LRRC4C: variants seen among roughly 807,000 people sequenced by gnomAD.
The protein encoded by LRRC4C is leucine-rich repeat-containing protein 4C.
A neutral mutation model predicts 33.6 loss-of-function variants in LRRC4C; 5 were observed. The observed-to-expected ratio is 0.15, with a 90% confidence interval of 0.08 to 0.31. The LOEUF is 0.31. LRRC4C is among the 10% of genes least tolerant of loss of function. LRRC4C has a pLI of 1.00. For missense variants in LRRC4C, 560 were observed against 796.7 expected (o/e 0.70, Z 3.58); for synonymous variants, 329 against 302.0 (o/e 1.09, Z -0.93).
chr11:40,311,862 T>C (rs1225209419), intron 4 of LRRC4C, among the ~76,000 whole-genome samples: 1 of 151,158 alleles, frequency 6.6e-6, no homozygotes, highest in South Asian at 2.1e-4. Context: ...GGAGAATTGC[T>C]TGAACCTGGG....
At chr11:41,191,006 T>C (rs1239324495) in intron 1 of LRRC4C, among the ~76,000 whole-genome samples, 1 of 152,176 alleles carries the variant, frequency 6.6e-6, no homozygotes, top group Non-Finnish European at 1.5e-5. Context: ...TCATCTGTAT[T>C]TCTAATTGAT....
chr11:40,801,306 G>T (rs1057126083), intron 2 of LRRC4C, among the ~76,000 whole-genome samples: 2 of 152,042 alleles, frequency 1.3e-5, no homozygotes, highest in Admixed American at 1.3e-4. Context: ...CAGCTGGTGT[G>T]CCCTTCCTCA....
At chr11:41,257,662 CA>C (rs1359540185) in intron 1 of LRRC4C, among the ~76,000 whole-genome samples, 5 of 152,046 alleles carry the variant, frequency 3.3e-5, no homozygotes, top group Non-Finnish European at 5.9e-5. Context: ...AACAGGTCAC[CA>C]GGGGGCAAAG....
chr11:40,929,073 T>A (rs960933938), intron 2 of LRRC4C, among the ~76,000 whole-genome samples: 5 of 152,156 alleles, frequency 3.3e-5, no homozygotes, highest in African/African-American at 1.2e-4. Flanking sequence ...AGAAAACATG[T>A]TTCTCTTCTG....
intron 2 of LRRC4C, among the ~76,000 whole-genome samples, chr11:40,660,971 T>C (rs183262592): frequency 1.3e-5 from 2 of 152,302 alleles, no homozygotes; most frequent in Admixed American, 1.3e-4. Context: ...TCACCTAATA[T>C]TGTTTTACTG....
At chr11:41,229,481 T>C (rs1008054379) in intron 1 of LRRC4C, among the ~76,000 whole-genome samples, 2 of 152,134 alleles carry the variant, frequency 1.3e-5, no homozygotes, top group Non-Finnish European at 2.9e-5. Flanking sequence ...CCATGTGTCA[T>C]TGCATATTCA....
At chr11:40,325,537 AG>A (rs757235165) in intron 3 of LRRC4C, among the ~76,000 whole-genome samples, 16 of 151,950 alleles carry the variant, frequency 1.1e-4, no homozygotes, top group Non-Finnish European at 2.2e-4. Flanking sequence ...CTGAGCAGTG[AG>A]GGTCATTAGA....
intron 2 of LRRC4C, among the ~76,000 whole-genome samples, chr11:40,835,898 T>C (rs897428936): frequency 4.6e-5 from 7 of 152,178 alleles, no homozygotes; most frequent in Admixed American, 1.3e-4. Context: ...TTTCATTACA[T>C]TGTATCTTGT....
At chr11:40,581,463 A>G (rs1306619574) in intron 3 of LRRC4C, among the ~76,000 whole-genome samples, 11 of 152,184 alleles carry the variant, frequency 7.2e-5, no homozygotes. Flanking sequence ...GTTGCAGCTC[A>G]TTCTTTTTCT....
intron 4 of LRRC4C, among the ~76,000 whole-genome samples, chr11:40,274,286 C>G (rs1166783336): frequency 1.3e-5 from 2 of 151,836 alleles, no homozygotes; most frequent in Non-Finnish European, 2.9e-5. Context: ...CTGGCCACAT[C>G]CAGGGCTTCC....
chr11:40,244,291 G>GC (rs1243981693), intron 4 of LRRC4C, among the ~76,000 whole-genome samples: 17 of 151,736 alleles, frequency 1.1e-4, no homozygotes, highest in African/African-American at 3.9e-4. Context: ...CCCCACTTCA[G>GC]CCCCCCATCT....
intron 6 of LRRC4C, among the ~76,000 whole-genome samples, chr11:40,139,486 A>G (rs1193320882): frequency 6.6e-6 from 1 of 152,124 alleles, no homozygotes; most frequent in Non-Finnish European, 1.5e-5. Flanking sequence ...TTGCATGTGA[A>G]TAAAATGCAT....
intron 3 of LRRC4C, among the ~76,000 whole-genome samples, chr11:40,567,174 A>G (rs189914727): frequency 4.6e-5 from 7 of 152,298 alleles, no homozygotes; most frequent in Admixed American, 1.3e-4. Context: ...TTGTAATTTT[A>G]TAGTACTGCC....
At chr11:40,706,696 C>T (rs546880599) in intron 2 of LRRC4C, among the ~76,000 whole-genome samples, 1 of 152,254 alleles carries the variant, frequency 6.6e-6, no homozygotes, top group African/African-American at 2.4e-5. Context: ...AATGCAGGCT[C>T]TTTTTTGATT....
At chr11:40,716,617 TA>T (rs1946735027) in intron 2 of LRRC4C, among the ~76,000 whole-genome samples, 1 of 152,106 alleles carries the variant, frequency 6.6e-6, no homozygotes, top group South Asian at 2.1e-4. Context: ...AGTCAGCATA[TA>T]AAGAAAAGCA....
intron 1 of LRRC4C, among the ~76,000 whole-genome samples, chr11:41,287,175 A>T (rs1949854268): frequency 6.6e-6 from 1 of 152,206 alleles, no homozygotes; most frequent in Admixed American, 6.5e-5. Flanking sequence ...TCTTCTGGTA[A>T]GTGTACTGAA....
intron 2 of LRRC4C, among the ~76,000 whole-genome samples, chr11:40,748,910 G>T (rs1948555598): frequency 6.6e-6 from 1 of 151,888 alleles, no homozygotes; most frequent in African/African-American, 2.4e-5. Flanking sequence ...AATTAAAAAG[G>T]GATCACTGCA....
intron 5 of LRRC4C, among the ~76,000 whole-genome samples, chr11:40,235,420 C>T (rs1269087004): frequency 2.6e-5 from 4 of 152,126 alleles, no homozygotes; most frequent in African/African-American, 9.7e-5. Context: ...TCCAGATTTA[C>T]TGAAAACATT....
intron 1 of LRRC4C, among the ~76,000 whole-genome samples, chr11:41,405,179 A>G (rs2138149949): frequency 6.6e-6 from 1 of 152,244 alleles, no homozygotes; most frequent in South Asian, 2.1e-4. Flanking sequence ...CTGTTTTCAA[A>G]TCTCCAAACC....
Sources: allele counts gnomAD v4.1 joint callset (sites outside exome capture counted in the v4.1 genomes callset), GRCh38; gene constraint gnomAD v4.1.1; transcripts MANE v1.5; gene names NCBI Gene and HGNC (gene_info 2026-07-23, HGNC 2026-07-21).